Variants in ZSCAN5B observed in about 807,000 individuals in gnomAD.
ZSCAN5B encodes zinc finger and SCAN domain-containing protein 5B.
In ZSCAN5B, 26 loss-of-function variants were observed where a neutral mutation model predicts 25.2. That is an observed-to-expected ratio of 1.03 (90% CI 0.76 to 1.43). ZSCAN5B has a LOEUF of 1.43. Ranked by LOEUF, ZSCAN5B falls within the 40% of genes most tolerant of loss-of-function variation. The pLI is 0.00. For synonymous variants in ZSCAN5B, 244 were observed against 240.9 expected, an observed-to-expected ratio of 1.01 and a Z score of -0.12; for missense variants, 745 against 622.1, an observed-to-expected ratio of 1.20 and a Z score of -2.10.
At chr19:56,193,894 A>G (rs1252275143) in intron 1 of ZSCAN5B, among the ~76,000 whole-genome samples, 3 of 151,092 alleles carry the variant, frequency 2.0e-5, no homozygotes, top group Non-Finnish European at 2.9e-5. Flanking sequence ...CCCGGGAGGC[A>G]GAGCTTGCAG....
exon 2 of ZSCAN5B, chr19:56,192,952 C>T: frequency 1.2e-6 from 2 of 1,613,380 alleles, no homozygotes; most frequent in Non-Finnish European, 1.7e-6. Flanking sequence ...GTCGTGATTT[C>T]CAAGTTGAGT....
At chr19:56,195,163 A>G (rs1311540278) in intron 1 of ZSCAN5B, among the ~76,000 whole-genome samples, 1 of 152,204 alleles carries the variant, frequency 6.6e-6, no homozygotes, top group Non-Finnish European at 1.5e-5. Flanking sequence ...GAGCAAGTGC[A>G]GAACAGAGAG....
chr19:56,196,197 G>A (rs1363318681), intron 1 of ZSCAN5B, among the ~76,000 whole-genome samples: 4 of 151,984 alleles, frequency 2.6e-5, no homozygotes, highest in African/African-American at 9.7e-5. Flanking sequence ...GATTATAGGC[G>A]TGAGCCACCC....
exon 5 of ZSCAN5B, chr19:56,189,738 G>A (rs2122188353): frequency 6.9e-7 from 1 of 1,456,664 alleles, no homozygotes; most frequent in South Asian, 1.4e-5. Context: ...CCTACCAAGT[G>A]CTTTATGTGT....
At chr19:56,194,596 T>C (rs2032783320) in intron 1 of ZSCAN5B, among the ~76,000 whole-genome samples, 1 of 152,148 alleles carries the variant, frequency 6.6e-6, no homozygotes. Flanking sequence ...GCAGCTGGCC[T>C]ACATTTTTAA....
chr19:56,190,217 A>C lies in ZSCAN5B; in HGVS notation c.1098T>G (p.Tyr366Ter). Residue 366 changes from tyrosine (Y) to a stop codon, truncating the protein, a stop_gained, in exon 5 of 5, where the codon TAT becomes TAG. Transcript: ENST00000586855. LOFTEE classifies it low-confidence loss of function (END_TRUNC). Reference sequence around the variant, plus strand: ...TCCTGTGGATGCTTAGCTGGGAAAAATACTTAAATGATTTATTGCACACGT... The same window carrying C: ...TCCTGTGGATGCTTAGCTGGGAAAACTACTTAAATGATTTATTGCACACGT... The C allele has an allele frequency of 6.2e-7, 1 of 1,614,090 alleles. No homozygotes were observed.
rs578035197 is a variant in ZSCAN5B, at chr19:56,192,059, G to T, written c.385-6C>A. The T allele has an allele frequency of 6.5e-5, 104 of 1,607,330 alleles. 1 individual carries two copies. In the South Asian group the frequency reaches 1.1e-3, roughly 17 times the overall value. On this transcript the variant is annotated splice_polypyrimidine_tract_variant and splice_region_variant and intron_variant, in intron 2 of 4. Transcript: ENST00000586855. The stretch of plus-strand genomic sequence containing the variant: ...CCGAGCAAGTTGACTATAGACTGTA[G>T]AGAGAAAAAAGACAATCAGACACTA...
At chr19:56,189,699 TA>T in exon 5 of ZSCAN5B, 1 of 1,158,898 alleles carries the variant, frequency 8.6e-7, no homozygotes, top group South Asian at 1.8e-5. Context: ...TGGGGGAGGA[TA>T]AATATTTATT....
exon 2 of ZSCAN5B, chr19:56,192,891 C>T (rs61742908): frequency 0.04 from 63,805 of 1,613,760 alleles, 3,308 homozygotes; most frequent in East Asian, 0.25. Flanking sequence ...GGTCCGACTC[C>T]TCTGGGCAGC....
intron 3 of ZSCAN5B, 116 bp from the exon 4 acceptor site, chr19:56,191,103 C>T (rs572193557): frequency 1.6e-4 from 217 of 1,384,018 alleles, no homozygotes; most frequent in Non-Finnish European, 2.0e-4. Context: ...CCCATCACCC[C>T]AAGTAAACAT....
Position 56,190,473 on chromosome 19 carries a change from A to G in ZSCAN5B, c.842T>C (p.Leu281Ser), listed in dbSNP as rs111915100. 1,029 of 1,614,006 alleles carry G rather than the reference A, an allele frequency of 6.4e-4. 4 individuals carry two copies. Among genetic ancestry groups the G allele is most frequent in the South Asian group, 5.3e-3 (485 of 91,068 alleles). The change falls in exon 5 of 5, where the codon TTG becomes TCG. Residue 281 changes from leucine to serine, a missense_variant. By Grantham distance (145) the Leu-to-Ser change is moderately radical. Transcript: ENST00000586855. Reference sequence around the variant, plus strand: ...ATCTCCTCTGTTCCCGCTGTGAGTCAAAGCTTCTCTCTCCACAACGCAGGC... The same window carrying G: ...ATCTCCTCTGTTCCCGCTGTGAGTCGAAGCTTCTCTCTCCACAACGCAGGC...
chr19:56,192,498 T>C (rs2032750657), intron 2 of ZSCAN5B, among the ~76,000 whole-genome samples, 171 bp downstream of exon 2: 1 of 152,230 alleles, frequency 6.6e-6, no homozygotes, highest in African/African-American at 2.4e-5. Flanking sequence ...TACCAATGTC[T>C]TTCTTTCAGG....
chr19:56,196,976 T>C (rs935813022), intron 1 of ZSCAN5B, among the ~76,000 whole-genome samples: 2 of 151,796 alleles, frequency 1.3e-5, no homozygotes, highest in African/African-American at 2.4e-5. Flanking sequence ...CACGTCTCTA[T>C]AGTAAATAAA....
intron 1 of ZSCAN5B, among the ~76,000 whole-genome samples, chr19:56,194,894 C>T (rs911216437): frequency 5.9e-5 from 9 of 152,168 alleles, no homozygotes; most frequent in Admixed American, 1.3e-4. Flanking sequence ...TGAGCCATCG[C>T]GCACAGCCCA....
exon 2 of ZSCAN5B, chr19:56,192,797 T>C (rs2032755575): frequency 3.7e-6 from 6 of 1,612,138 alleles, no homozygotes; most frequent in East Asian, 4.5e-5. Flanking sequence ...ATCACCAGCA[T>C]GTCCAGGATC....
intron 1 of ZSCAN5B, among the ~76,000 whole-genome samples, chr19:56,193,818 T>C (rs1042157758): frequency 3.3e-5 from 5 of 151,940 alleles, no homozygotes; most frequent in Non-Finnish European, 7.4e-5. Flanking sequence ...AAAAATTAGC[T>C]GGGCATGGTG....
chr19:56,190,506 G>T lies in ZSCAN5B; in HGVS notation c.809C>A (p.Thr270Lys), dbSNP rs1187067691. The T allele has an allele frequency of 1.9e-6, 3 of 1,613,922 alleles. No individual in the cohort carries two copies. The East Asian group carries it at 6.7e-5, about 36-fold the overall frequency. ...TCTCTCCACAACGCAGGCAGAAGGTGTGTCAGCATCCACATTTTCCACAGA... is the reference window on the plus strand; with the variant it reads ...TCTCTCCACAACGCAGGCAGAAGGTTTGTCAGCATCCACATTTTCCACAGA... Residue 270 changes from threonine to lysine, a missense_variant, in exon 5 of 5, where the codon ACA (threonine) becomes AAA (lysine). Coordinates refer to ENST00000586855, the Ensembl canonical transcript of ZSCAN5B.
At chr19:56,197,687 CG>C in intron 1 of ZSCAN5B, 46 bp downstream of exon 1, 1 of 961,580 alleles carries the variant, frequency 1.0e-6, no homozygotes, top group Non-Finnish European at 1.2e-6. Context: ...ACCAACCCCC[CG>C]CATGCCAGCT....
At chr19:56,191,220 C>T (rs74989446) in intron 3 of ZSCAN5B, among the ~76,000 whole-genome samples, 20 of 152,260 alleles carry the variant, frequency 1.3e-4, no homozygotes, top group African/African-American at 3.6e-4. Flanking sequence ...TATTTCTCCC[C>T]GCCGTGCCAA....
Sources: gnomAD v4.1 joint callset for allele counts (sites outside exome capture counted in the v4.1 genomes callset) on GRCh38, gnomAD v4.1.1 for gene constraint, MANE v1.5 for transcripts, NCBI Gene and HGNC (gene_info 2026-07-23, HGNC 2026-07-21) for gene names.